The following AKT3 variants were observed in gnomAD, a reference collection of about 807,000 sequenced individuals.
AKT3 encodes RAC-gamma serine/threonine-protein kinase.
Under a neutral mutation model 65.3 loss-of-function variants are expected in AKT3, and 15 were observed. The observed-to-expected ratio is 0.23, with a 90% confidence interval of 0.15 to 0.35. The LOEUF (loss-of-function observed/expected upper bound fraction) is 0.35. Ranked by LOEUF, AKT3 falls within the 10% of genes least tolerant of loss-of-function variation. The pLI is 1.00. For missense variants in AKT3, 243 were observed against 576.5 expected, an observed-to-expected ratio of 0.42 and a Z score of 5.92; for synonymous variants, 206 against 183.8, an observed-to-expected ratio of 1.12 and a Z score of -0.98.
chr1:243,716,922 A>G (rs1450109688), intron 2 of AKT3, among the ~76,000 whole-genome samples: 1 of 152,252 alleles, frequency 6.6e-6, no homozygotes, highest in African/African-American at 2.4e-5. Flanking sequence ...CTTCATCCAA[A>G]GAATACAGGT....
At chr1:243,751,048 T>C (rs1467362633) in intron 2 of AKT3, among the ~76,000 whole-genome samples, 2 of 152,208 alleles carry the variant, frequency 1.3e-5, no homozygotes, top group African/African-American at 4.8e-5. Context: ...AATTTTCTAA[T>C]TCTGAGCTAA....
rs187284818 is a variant in AKT3, at chr1:243,573,414, C to T, written c.697-366G>A. On this transcript the variant is annotated intron_variant, in intron 8 of 13. Coordinates refer to ENST00000673466, the MANE Select transcript of AKT3 (RefSeq NM_005465.7). ...TTGAGATATTACTAAAATAAATGAA[C>T]ACAAGCACAGATATATTTTCACTTA... Among the ~76,000 whole-genome samples the T allele has an allele frequency of 3.3e-5, 5 of 152,212 alleles. No homozygotes were observed. In the East Asian group the frequency reaches 7.7e-4, roughly 23 times the overall value.
In AKT3 at chr1:243,518,015, T is replaced by C. The variant is rs536458749; in HGVS notation, c.1252-5589A>G. Among the ~76,000 whole-genome samples, 3 of 152,324 alleles carry C rather than the reference T, an allele frequency of 2.0e-5. No individual in the cohort carries two copies. In the South Asian group the frequency reaches 6.2e-4, roughly 32 times the overall value. On this transcript the variant is annotated intron_variant, in intron 12 of 13. Coordinates refer to ENST00000673466, the MANE Select transcript of AKT3 (RefSeq NM_005465.7). ...AGCATGTAGTGTACCTTTTTAGAGA[T>C]CAGGAAATTAAAGCTGACACTGGTT... is the stretch of plus-strand genomic sequence containing the variant.
At chr1:243,735,965 G>A (rs1318664845) in intron 2 of AKT3, among the ~76,000 whole-genome samples, 2 of 152,114 alleles carry the variant, frequency 1.3e-5, no homozygotes, top group African/African-American at 4.8e-5. Flanking sequence ...TAAGTACAGT[G>A]GTAAGTAATT....
chr1:243,777,951 C>T (rs959237661), intron 2 of AKT3, among the ~76,000 whole-genome samples: 5 of 152,178 alleles, frequency 3.3e-5, no homozygotes, highest in African/African-American at 1.2e-4. Context: ...ATCCTTTATA[C>T]TGAAGCTACC....
intron 2 of AKT3, among the ~76,000 whole-genome samples, chr1:243,750,620 C>T (rs370733496): frequency 2.0e-5 from 3 of 147,196 alleles, no homozygotes; most frequent in South Asian, 2.1e-4. Context: ...CTCCCTTTGT[C>T]GCCCAGGCTG....
intron 2 of AKT3, among the ~76,000 whole-genome samples, chr1:243,749,956 T>C (rs1688700240): frequency 6.6e-6 from 1 of 152,202 alleles, no homozygotes; most frequent in African/African-American, 2.4e-5. Flanking sequence ...TGCTCTTGCT[T>C]GGCATCTAAA....
intron 2 of AKT3, among the ~76,000 whole-genome samples, chr1:243,789,156 T>A (rs1402305561): frequency 6.6e-6 from 1 of 152,128 alleles, no homozygotes; most frequent in Non-Finnish European, 1.5e-5. Context: ...AGCAGGAGGA[T>A]CGCCTGAAGC....
At chr1:243,817,125 T>C (rs910947108) in intron 2 of AKT3, among the ~76,000 whole-genome samples, 1 of 152,166 alleles carries the variant, frequency 6.6e-6, no homozygotes, top group African/African-American at 2.4e-5. Context: ...GAGCCAACAT[T>C]CAAGCACCAA....
At chr1:243,589,814 C>CTA (rs1364311789) in intron 8 of AKT3, among the ~76,000 whole-genome samples, 6 of 152,198 alleles carry the variant, frequency 3.9e-5, no homozygotes, top group Middle Eastern at 6.8e-3. Flanking sequence ...TGGAAACACT[C>CTA]TATATATATA....
At position 243,644,578 on chromosome 1, in the gene AKT3, A is replaced by G. The variant is rs148237487; in HGVS notation, c.429+1315T>C. Among the ~76,000 whole-genome samples, 220 of 152,330 alleles carry G rather than the reference A, an allele frequency of 1.4e-3. 1 individual carries two copies. Among genetic ancestry groups the G allele is most frequent in the African/African-American group, 5.0e-3 (207 of 41,588 alleles). On this transcript the variant is annotated intron_variant, in intron 5 of 13. Transcript: ENST00000673466. The stretch of plus-strand genomic sequence containing the variant: ...TGTTTATGTAATACGTGCTCAATAA[A>G]TATTAGCTATTAAAGTTAGCTACTA...
chr1:243,561,031 G>A (rs1473783866), intron 10 of AKT3, among the ~76,000 whole-genome samples: 1 of 151,894 alleles, frequency 6.6e-6, no homozygotes, highest in Non-Finnish European at 1.5e-5. Context: ...AAGAAACAGT[G>A]TTACTAAAGT....
chr1:243,536,742 T>C (rs1671964918), intron 12 of AKT3, among the ~76,000 whole-genome samples: 1 of 152,190 alleles, frequency 6.6e-6, no homozygotes, highest in Non-Finnish European at 1.5e-5. Context: ...GCTGTTTGTG[T>C]TTTTATATCC....
At chr1:243,732,348 T>G (rs894545355) in intron 2 of AKT3, among the ~76,000 whole-genome samples, 1 of 152,166 alleles carries the variant, frequency 6.6e-6, no homozygotes, top group Non-Finnish European at 1.5e-5. Context: ...TTTCTTCCAT[T>G]AAAAAGCTTC....
At chr1:243,713,470 G>T (rs950693644) in intron 2 of AKT3, among the ~76,000 whole-genome samples, 7 of 152,074 alleles carry the variant, frequency 4.6e-5, no homozygotes, top group African/African-American at 7.2e-5. Flanking sequence ...ACAAACATCA[G>T]CAGCATCATA....
At chr1:243,665,716 T>C (rs1308981585) in intron 3 of AKT3, among the ~76,000 whole-genome samples, 1 of 152,206 alleles carries the variant, frequency 6.6e-6, no homozygotes, top group Admixed American at 6.5e-5. Flanking sequence ...AATAAGTTCA[T>C]CTAATATTAG....
chr1:243,507,554 G>A (rs552404890), intron 13 of AKT3, among the ~76,000 whole-genome samples: 1 of 152,336 alleles, frequency 6.6e-6, no homozygotes, highest in South Asian at 2.1e-4. Context: ...GCTGGAGGAA[G>A]TGGCAGCTGA....
intron 12 of AKT3, among the ~76,000 whole-genome samples, chr1:243,519,959 T>C (rs916384614): frequency 2.0e-5 from 3 of 152,220 alleles, no homozygotes; most frequent in Admixed American, 6.5e-5. Flanking sequence ...ATAAAGTTTA[T>C]ATTTTCTGTT....
At chr1:243,575,470 C>T (rs947966138) in intron 8 of AKT3, among the ~76,000 whole-genome samples, 3 of 151,866 alleles carry the variant, frequency 2.0e-5, no homozygotes, top group African/African-American at 4.8e-5. Flanking sequence ...CAAGTTGTTC[C>T]GATTAAATAT....
Sources: gnomAD v4.1 joint callset for allele counts (sites outside exome capture counted in the v4.1 genomes callset) on GRCh38, gnomAD v4.1.1 for gene constraint, MANE v1.5 for transcripts, NCBI Gene and HGNC (gene_info 2026-07-23, HGNC 2026-07-21) for gene names.